METTL22: variants seen among roughly 807,000 people sequenced by gnomAD.
METTL22 encodes the protein methyltransferase 22, Kin17 lysine, also known as methyltransferase-like protein 22.
Under a neutral mutation model 48.4 loss-of-function variants are expected in METTL22, and 51 were observed. That is an observed-to-expected ratio of 1.05 (90% CI 0.84 to 1.33). The LOEUF (loss-of-function observed/expected upper bound fraction) is 1.33, where lower values mean the gene tolerates loss of function less well. METTL22 is among the 40% of genes most tolerant of loss of function. The pLI, the probability that METTL22 is intolerant of heterozygous loss-of-function variation, is 0.00. For missense variants in METTL22, 678 were observed against 526.9 expected (o/e 1.29, Z -2.81); for synonymous variants, 255 against 214.1 (o/e 1.19, Z -1.67).
In METTL22 at chr16:8,625,482, G is replaced by A. The variant is rs140577433; in HGVS notation, c.-170-14G>A. 182 of 452,754 alleles carry A rather than the reference G, an allele frequency of 4.0e-4. 1 individual carries two copies. Among genetic ancestry groups the A allele is most frequent in the African/African-American group, 3.3e-3 (166 of 50,560 alleles). The allele number at this position is 452,754 out of a possible 1,614,324, so 28.0% of individuals were successfully genotyped here. On this transcript the variant is annotated splice_polypyrimidine_tract_variant and intron_variant, in intron 1 of 10. Coordinates refer to ENST00000381920, the MANE Select transcript of METTL22 (RefSeq NM_024109.4). ...GTGAAATGAATATAAACAAAATAAC[G>A]CATTAATTTCCAGCTGGATTCTCTT...
chr16:8,626,761 CTTTTTTTT>C (rs34726811), intron 2 of METTL22, among the ~76,000 whole-genome samples: 20 of 52,538 alleles, frequency 3.8e-4, no homozygotes, highest in African/African-American at 1.6e-3. Flanking sequence ...GTCCTCTACT[CTTTTTTTT>C]TTTTTTTTTT....
At chr16:8,664,101 T>G in the METTL22 span, among the ~76,000 whole-genome samples, 1 of 151,962 alleles carries the variant, frequency 6.6e-6, no homozygotes. Context: ...TTTTTTTTTT[T>G]TTTTTAGATG....
intron 9 of METTL22, 184 bp downstream of exon 9, chr16:8,642,749 C>T: frequency 1.5e-6 from 1 of 649,322 alleles, no homozygotes; most frequent in Non-Finnish European, 2.8e-6. Flanking sequence ...CATCCTAGCC[C>T]TGTGTGCAGG....
At chr16:8,653,601 C>G (rs536678269), downstream of METTL22, among the ~76,000 whole-genome samples, 21 of 152,298 alleles carry the variant, frequency 1.4e-4, no homozygotes, top group East Asian at 3.7e-3. Context: ...GGCAATCAGT[C>G]TCTATTGATT....
the METTL22 span, among the ~76,000 whole-genome samples, chr16:8,663,240 C>T: frequency 6.7e-6 from 1 of 149,258 alleles, no homozygotes; most frequent in African/African-American, 2.5e-5. Flanking sequence ...GCCAAGCCAT[C>T]ATCATCATCA....
chr16:8,637,342 C>T (rs544587607), intron 5 of METTL22, among the ~76,000 whole-genome samples: 8 of 152,248 alleles, frequency 5.3e-5, no homozygotes, highest in Admixed American at 5.2e-4. Context: ...TATCAGTGAG[C>T]TCTTCTCAGA....
chr16:8,646,004 C>CAT (rs1567248993), intron 10 of METTL22, 104 bp from the exon 11 acceptor site: 17 of 1,549,264 alleles, frequency 1.1e-5, no homozygotes, highest in Middle Eastern at 2.3e-4. Flanking sequence ...CCGTGGCTGA[C>CAT]GTGTTGTCTA....
At chr16:8,653,691 T>G (rs2056928743), downstream of METTL22, among the ~76,000 whole-genome samples, 1 of 152,188 alleles carries the variant, frequency 6.6e-6, no homozygotes, top group Non-Finnish European at 1.5e-5. Flanking sequence ...TGAGTGGTAA[T>G]GATTAAAATC....
downstream of METTL22, among the ~76,000 whole-genome samples, chr16:8,652,727 G>A (rs554246568): frequency 2.3e-4 from 35 of 152,172 alleles, no homozygotes; most frequent in African/African-American, 7.7e-4. Flanking sequence ...AAGGGAGCTG[G>A]GAGTAGGTGG....
At position 8,642,174 on chromosome 16, in the gene METTL22, T is replaced by C. The variant is rs1199356684; in HGVS notation, c.874T>C (p.Tyr292His). ...SWSQEEISDL[Y>H]DHTTILFAAE... is the part of the protein sequence containing the mutation. ...GTCACAAGAGGAAATTTCTGACTTG[T>C]ACGATCACACCACCATCCTGTTTGC... The change falls in exon 8 of 11, where the codon TAC becomes CAC. Residue 292 changes from tyrosine (Y) to histidine (H), a missense_variant. Transcript: ENST00000381920. 4 of 1,613,678 alleles carry C rather than the reference T, an allele frequency of 2.5e-6. No individual in the cohort carries two copies. The highest frequency in any genetic ancestry group is 3.4e-6 in the Non-Finnish European group (4 of 1,179,730).
rs756756107 is a variant in METTL22, at chr16:8,635,211, G to A, written c.599G>A (p.Arg200Gln). ...CTCCTGGCAGACTACATCCTGTTCCGACAGGACCTCTTCCGAGGATGTACA... is the reference window on the plus strand; with the variant it reads ...CTCCTGGCAGACTACATCCTGTTCCAACAGGACCTCTTCCGAGGATGTACA... ...ALLLADYILF[R>Q]QDLFRGCTAL... Residue 200 changes from arginine to glutamine, a missense_variant, in exon 5 of 11, where the codon CGA (arginine) becomes CAA (glutamine). Coordinates refer to ENST00000381920, the MANE Select transcript of METTL22 (RefSeq NM_024109.4). The A allele has an allele frequency of 2.3e-5, 37 of 1,611,050 alleles. No individual in the cohort carries two copies. In the Middle Eastern group the frequency reaches 8.7e-4, roughly 38 times the overall value.
intron 3 of METTL22, 73 bp from the exon 4 acceptor site, chr16:8,634,966 C>G: frequency 3.8e-5 from 61 of 1,600,664 alleles, no homozygotes; most frequent in Non-Finnish European, 5.1e-5. Flanking sequence ...GGTTGCCACA[C>G]TGTCCTGTCT....
intron 5 of METTL22, 103 bp from the exon 6 acceptor site, chr16:8,638,988 T>A (rs2056508140): frequency 8.8e-7 from 1 of 1,138,196 alleles, no homozygotes; most frequent in Non-Finnish European, 1.3e-6. Context: ...TTTCTCTAAT[T>A]TCTGCAGTTG....
At chr16:8,634,459 G>C (rs1441535345) in intron 3 of METTL22, among the ~76,000 whole-genome samples, 1 of 151,926 alleles carries the variant, frequency 6.6e-6, no homozygotes, top group African/African-American at 2.4e-5. Flanking sequence ...GATCCTATTA[G>C]GGTATATTAT....
At chr16:8,626,760 TC>T (rs2056071553) in intron 2 of METTL22, among the ~76,000 whole-genome samples, 1 of 87,162 alleles carries the variant, frequency 1.1e-5, no homozygotes, top group African/African-American at 4.0e-5. Flanking sequence ...TGTCCTCTAC[TC>T]TTTTTTTTTT....
At chr16:8,638,132 G>A (rs1192337269) in intron 5 of METTL22, among the ~76,000 whole-genome samples, 1 of 152,024 alleles carries the variant, frequency 6.6e-6, no homozygotes, top group African/African-American at 2.4e-5. Flanking sequence ...GTCAACAAGT[G>A]CGAAACTCCG....
Position 8,632,699 on chromosome 16 carries a change from T to G in METTL22, c.515-2340T>G, listed in dbSNP as rs150778585. Among the ~76,000 whole-genome samples, 510 of 152,274 alleles carry G rather than the reference T, an allele frequency of 3.3e-3. 3 individuals are homozygous for G. Among genetic ancestry groups the G allele is most frequent in the African/African-American group, 0.012 (480 of 41,560 alleles). ...GTCTGGTTAAACACTGTTACAGCCT[T>G]AGAAATGAGGGATGAGGCTACTTCT... On this transcript the variant is annotated intron_variant, in intron 3 of 10. Transcript: ENST00000381920.
chr16:8,657,824 C>CTTTTTTTTTTTTTTTTT, the METTL22 span, among the ~76,000 whole-genome samples: 26 of 137,466 alleles, frequency 1.9e-4, no homozygotes, highest in African/African-American at 7.2e-4. Flanking sequence ...TCTTTTCTTT[C>CTTTTTTTTTTTTTTTTT]TTTTTTTTTT....
At chr16:8,665,352 G>A in the METTL22 span, among the ~76,000 whole-genome samples, 1 of 152,038 alleles carries the variant, frequency 6.6e-6, no homozygotes, top group African/African-American at 2.4e-5. Flanking sequence ...TGCCTGAGAA[G>A]GAACGGTGGG....
Sources: allele counts gnomAD v4.1 joint callset (sites outside exome capture counted in the v4.1 genomes callset), GRCh38; gene constraint gnomAD v4.1.1; transcripts MANE v1.5; gene names NCBI Gene and HGNC (gene_info 2026-07-23, HGNC 2026-07-21).